Variants in CACNA2D3 observed in about 807,000 individuals in gnomAD.
CACNA2D3 encodes the protein calcium voltage-gated channel auxiliary subunit alpha2delta 3.
Under a neutral mutation model 160.6 loss-of-function variants are expected in CACNA2D3, and 60 were observed. That is an observed-to-expected ratio of 0.37 (90% CI 0.30 to 0.46). CACNA2D3 has a LOEUF of 0.46. Among genes scored for constraint, CACNA2D3 ranks in the 20% least tolerant of loss-of-function variants. The pLI, the probability that CACNA2D3 is intolerant of heterozygous loss-of-function variation, is 1.00. For synonymous variants in CACNA2D3, 558 were observed against 492.9 expected (o/e 1.13, Z -1.75); for missense variants, 1,205 against 1,365.0 (o/e 0.88, Z 1.85).
rs537716163 is a variant in CACNA2D3 at position 54,858,499 on chromosome 3, G to A, written c.1626+12032G>A. On this transcript the variant is annotated intron_variant, in intron 17 of 37. Coordinates refer to ENST00000474759, the MANE Select transcript of CACNA2D3 (RefSeq NM_018398.3). ...AGAGTTATTAATTAAAATGTTAACT[G>A]CCCAGACAATAGCAGGCAGAACAGC... Among the ~76,000 whole-genome samples, 3 of 152,278 alleles carry A rather than the reference G, an allele frequency of 2.0e-5. No individual in the cohort carries two copies. In the East Asian group the frequency reaches 5.8e-4, roughly 29 times the overall value.
chr3:54,871,924 G>T (rs1426815680), intron 18 of CACNA2D3, among the ~76,000 whole-genome samples: 1 of 152,230 alleles, frequency 6.6e-6, no homozygotes, highest in Non-Finnish European at 1.5e-5. Context: ...CAGTACAGTG[G>T]ATGGCCCCTG....
intron 5 of CACNA2D3, among the ~76,000 whole-genome samples, chr3:54,517,292 G>A (rs1701567248): frequency 6.6e-6 from 1 of 152,222 alleles, no homozygotes; most frequent in African/African-American, 2.4e-5. Context: ...GAAGAGGAAA[G>A]GTTTTCTTGG....
chr3:54,728,394 A>G lies in CACNA2D3; in HGVS notation c.1168-24205A>G, dbSNP rs145395669. ...TATGATGAATTCTTAATTTTAATCA[A>G]TGTTTTCAATTCTAGGAATTTCATA... On this transcript the variant is annotated intron_variant, in intron 11 of 37. Coordinates refer to ENST00000474759, the MANE Select transcript of CACNA2D3 (RefSeq NM_018398.3). 7.6e-3 allele frequency among the ~76,000 whole-genome samples: 1,164 copies of G among 152,240 alleles called. 18 individuals are homozygous for G. The highest frequency in any genetic ancestry group is 0.025 in the African/African-American group (1,053 of 41,552).
At chr3:54,361,247 G>A (rs1698737906) in intron 3 of CACNA2D3, among the ~76,000 whole-genome samples, 1 of 151,478 alleles carries the variant, frequency 6.6e-6, no homozygotes, top group Non-Finnish European at 1.5e-5. Context: ...AGGTTGGTGT[G>A]GAACCTGTCA....
At chr3:54,908,096 A>G (rs1700484161) in intron 27 of CACNA2D3, among the ~76,000 whole-genome samples, 1 of 152,216 alleles carries the variant, frequency 6.6e-6, no homozygotes, top group Non-Finnish European at 1.5e-5. Flanking sequence ...GTTGGGTCAT[A>G]TGGTAACTCT....
rs1036418565 is a variant in CACNA2D3, at chr3:55,022,763, C to T, written c.2987+4446C>T. On this transcript the variant is annotated intron_variant, in intron 35 of 37. Transcript: ENST00000474759. ...GTACACACTATTCCTTTAGTAGTTG[C>T]CCTTTGCCTTTTTACGATGTTTCAA... 4.6e-5 allele frequency among the ~76,000 whole-genome samples: 7 copies of T among 150,714 alleles called. No individual in the cohort carries two copies. The Middle Eastern group carries it at 0.021, about 445-fold the overall frequency.
At chr3:54,164,644 G>A (rs781467764) in intron 2 of CACNA2D3, among the ~76,000 whole-genome samples, 1 of 152,154 alleles carries the variant, frequency 6.6e-6, no homozygotes, top group South Asian at 2.1e-4. Flanking sequence ...TCCAGGCCTT[G>A]CTGCATCCCT....
intron 13 of CACNA2D3, among the ~76,000 whole-genome samples, chr3:54,814,470 A>G (rs1044841438): frequency 4.6e-5 from 7 of 152,296 alleles, no homozygotes; most frequent in African/African-American, 1.7e-4. Context: ...GCTGGGTGAC[A>G]ATGTGTTGGG....
chr3:54,678,944 G>T (rs939752063), intron 11 of CACNA2D3, among the ~76,000 whole-genome samples: 1 of 152,144 alleles, frequency 6.6e-6, no homozygotes, highest in Admixed American at 6.5e-5. Flanking sequence ...TATAATGCAA[G>T]ATTTCAAAAT....
rs377625043 is a variant in CACNA2D3, at chr3:54,299,937, C to T, written c.205-20505C>T. ...TAGTGAAAACCTTATGGCTGATGAA[C>T]GTGGGATGGTGTAGACCCCCTAACA... is the stretch of plus-strand genomic sequence containing the variant. On this transcript the variant is annotated intron_variant, in intron 2 of 37. Coordinates refer to ENST00000474759, the MANE Select transcript of CACNA2D3 (RefSeq NM_018398.3). Among the ~76,000 whole-genome samples the T allele has an allele frequency of 2.1e-3, 314 of 152,300 alleles. 1 individual carries two copies. Among genetic ancestry groups the T allele is most frequent in the African/African-American group, 6.7e-3 (278 of 41,562 alleles).
chr3:55,073,890 T>C, intron 37 of CACNA2D3, 31 bp downstream of exon 37: 2 of 1,569,946 alleles, frequency 1.3e-6, no homozygotes, highest in African/African-American at 1.3e-5. Flanking sequence ...TGTTTCCTTT[T>C]CCCATCAGAA....
intron 27 of CACNA2D3, among the ~76,000 whole-genome samples, chr3:54,966,049 A>G (rs1702142345): frequency 6.6e-6 from 1 of 152,118 alleles, no homozygotes. Context: ...AACAGACTGC[A>G]AGTATGTGAG....
At chr3:54,943,480 T>C (rs1701529393) in intron 27 of CACNA2D3, among the ~76,000 whole-genome samples, 1 of 152,208 alleles carries the variant, frequency 6.6e-6, no homozygotes, top group Non-Finnish European at 1.5e-5. Flanking sequence ...GCCCATTTCA[T>C]TGTTCTTGAT....
chr3:54,191,862 C>G (rs1360854459), intron 2 of CACNA2D3, among the ~76,000 whole-genome samples: 1 of 152,128 alleles, frequency 6.6e-6, no homozygotes, highest in African/African-American at 2.4e-5. Context: ...ATGAAGGGCC[C>G]CAAAAGCGTT....
intron 5 of CACNA2D3, among the ~76,000 whole-genome samples, chr3:54,520,561 T>C (rs780671742): frequency 8.5e-5 from 13 of 152,220 alleles, no homozygotes; most frequent in Non-Finnish European, 1.8e-4. Flanking sequence ...CACTTACTGA[T>C]CAAAATCGCT....
intron 11 of CACNA2D3, among the ~76,000 whole-genome samples, chr3:54,711,405 T>C (rs532555956): frequency 9.2e-5 from 14 of 152,330 alleles, no homozygotes; most frequent in Admixed American, 2.6e-4. Flanking sequence ...ATAGCGATAC[T>C]CTCTGCCATT....
chr3:54,550,876 C>T (rs529976715), intron 5 of CACNA2D3, among the ~76,000 whole-genome samples: 2 of 152,304 alleles, frequency 1.3e-5, no homozygotes, highest in South Asian at 2.1e-4. Flanking sequence ...TCGACCAACA[C>T]GTGTTTGCAA....
intron 11 of CACNA2D3, among the ~76,000 whole-genome samples, chr3:54,685,026 A>G (rs938409739): frequency 6.6e-6 from 1 of 152,114 alleles, no homozygotes; most frequent in Non-Finnish European, 1.5e-5. Flanking sequence ...TCACCTTACA[A>G]TCTATCAACT....
intron 4 of CACNA2D3, among the ~76,000 whole-genome samples, chr3:54,440,449 G>A (rs1423961703): frequency 6.7e-6 from 1 of 149,856 alleles, no homozygotes; most frequent in Non-Finnish European, 1.5e-5. Flanking sequence ...ACTTTTCAAG[G>A]GTAGGAATGG....
Sources: gnomAD v4.1 joint callset for allele counts (sites outside exome capture counted in the v4.1 genomes callset) on GRCh38, gnomAD v4.1.1 for gene constraint, MANE v1.5 for transcripts, NCBI Gene and HGNC (gene_info 2026-07-23, HGNC 2026-07-21) for gene names.